The following CRHR1 variants were observed in gnomAD, a reference collection of about 807,000 sequenced individuals.
CRHR1 encodes the protein corticotropin-releasing hormone receptor 1.
In CRHR1, 28 loss-of-function variants were observed where a neutral mutation model predicts 56.0. The observed-to-expected ratio is 0.50, with a 90% CI of 0.37 to 0.69. The LOEUF (loss-of-function observed/expected upper bound fraction) is 0.69, where lower values mean the gene tolerates loss of function less well. Ranked by LOEUF, CRHR1 falls within the 30% of genes least tolerant of loss-of-function variation. CRHR1 has a pLI of 0.00. For synonymous variants in CRHR1, 195 were observed against 216.5 expected (o/e 0.90, Z 0.87); for missense variants, 376 against 548.0 (o/e 0.69, Z 3.13).
intron 4 of CRHR1, among the ~76,000 whole-genome samples, chr17:45,824,419 C>T (rs2062113724): frequency 6.6e-6 from 1 of 152,172 alleles, no homozygotes; most frequent in African/African-American, 2.4e-5. Flanking sequence ...GCGGGGTCTT[C>T]GTGGTTCACC....
At chr17:45,834,466 T>C (rs1876827) in intron 12 of CRHR1, among the ~76,000 whole-genome samples, 158 bp from the exon 13 acceptor site, 21,848 of 152,224 alleles carry the variant, frequency 0.14, 2,145 homozygotes, top group Middle Eastern at 0.22. Context: ...TGCAAAGCAG[T>C]CGTGTTAAGG....
intron 2 of CRHR1, among the ~76,000 whole-genome samples, chr17:45,807,973 T>A (rs1180973815): frequency 6.6e-6 from 1 of 152,158 alleles, no homozygotes; most frequent in Non-Finnish European, 1.5e-5. Context: ...GGTGTGGTCC[T>A]GGGCATGGCT....
chr17:45,828,612 A>G (rs1400476490), intron 4 of CRHR1, among the ~76,000 whole-genome samples: 2 of 152,220 alleles, frequency 1.3e-5, no homozygotes, highest in Non-Finnish European at 2.9e-5. Context: ...CCCTTGGGCC[A>G]GGGATGGGGA....
intron 1 of CRHR1, among the ~76,000 whole-genome samples, chr17:45,794,809 A>G (rs1450338880): frequency 6.6e-6 from 1 of 151,916 alleles, no homozygotes; most frequent in African/African-American, 2.4e-5. Flanking sequence ...TTGTCCCCGC[A>G]CTCATCCAAG....
chr17:45,797,744 A>T (rs2061548081), intron 1 of CRHR1, among the ~76,000 whole-genome samples: 1 of 152,228 alleles, frequency 6.6e-6, no homozygotes, highest in East Asian at 1.9e-4. Context: ...AAAGATTCCA[A>T]CAAGCATCTC....
At chr17:45,791,681 G>A (rs1018911771) in intron 1 of CRHR1, among the ~76,000 whole-genome samples, 3 of 151,934 alleles carry the variant, frequency 2.0e-5, no homozygotes, top group Admixed American at 6.5e-5. Context: ...AGCCTTCGGC[G>A]CAGAGATGCC....
chr17:45,807,353 A>T (rs1231599093), intron 2 of CRHR1, among the ~76,000 whole-genome samples: 2 of 152,148 alleles, frequency 1.3e-5, no homozygotes, highest in African/African-American at 4.8e-5. Flanking sequence ...AGTTTGCAGC[A>T]AGGATTCTGA....
intron 3 of CRHR1, among the ~76,000 whole-genome samples, chr17:45,818,147 C>T (rs2061966522): frequency 6.6e-6 from 1 of 152,196 alleles, no homozygotes; most frequent in Admixed American, 6.5e-5. Flanking sequence ...CTACCTGCCC[C>T]CACTCCCCAG....
At chr17:45,827,081 AATT>A (rs2062180199) in intron 4 of CRHR1, 1 of 152,176 alleles carries the variant, frequency 6.6e-6, no homozygotes, top group Admixed American at 6.5e-5. Flanking sequence ...TGGCGTGGCC[AATT>A]ATTCAGTCTC....
In CRHR1 at chr17:45,817,324, C is replaced by A. The variant is rs79454878; in HGVS notation, c.241+742C>A. 9.5e-3 allele frequency among the ~76,000 whole-genome samples: 1,454 copies of A among 152,342 alleles called. 29 individuals carry two copies. The highest frequency in any genetic ancestry group is 0.031 in the African/African-American group (1,306 of 41,588). ...ACAGCTGTGGGCCAGGAGCCCTAAC[C>A]TACCTGAGGGGAGGCTGGGGGCCTG... On this transcript the variant is annotated intron_variant, in intron 3 of 12. Coordinates refer to ENST00000314537, the MANE Select transcript of CRHR1 (RefSeq NM_004382.5).
intron 3 of CRHR1, among the ~76,000 whole-genome samples, chr17:45,819,806 G>A (rs1598431645): frequency 6.6e-6 from 1 of 152,206 alleles, no homozygotes; most frequent in East Asian, 1.9e-4. Context: ...CCTCAGCAGG[G>A]GGACCAGGGA....
intron 1 of CRHR1, among the ~76,000 whole-genome samples, chr17:45,787,319 C>T (rs2061354323): frequency 6.6e-6 from 1 of 152,126 alleles, no homozygotes; most frequent in African/African-American, 2.4e-5. Context: ...GAGTCAGCCA[C>T]ACACCCACTG....
At chr17:45,805,222 C>T (rs1295281573) in intron 1 of CRHR1, among the ~76,000 whole-genome samples, 1 of 152,154 alleles carries the variant, frequency 6.6e-6, no homozygotes, top group East Asian at 1.9e-4. Context: ...ATATTTTGCT[C>T]ATCATGGATT....
intron 2 of CRHR1, among the ~76,000 whole-genome samples, chr17:45,811,081 G>A (rs117304471): frequency 0.011 from 1,700 of 152,360 alleles, 15 homozygotes; most frequent in South Asian, 0.043. Flanking sequence ...TCCAGAAGCC[G>A]CTGATGGGAG....
At chr17:45,801,630 C>T (rs977585773) in intron 1 of CRHR1, among the ~76,000 whole-genome samples, 1 of 152,140 alleles carries the variant, frequency 6.6e-6, no homozygotes, top group African/African-American at 2.4e-5. Flanking sequence ...GAGTGAACCT[C>T]GTGCTCTGCC....
At chr17:45,830,777 G>A in intron 7 of CRHR1, 103 bp from the exon 8 acceptor site, 1 of 1,299,680 alleles carries the variant, frequency 7.7e-7, no homozygotes, top group Non-Finnish European at 1.1e-6. Flanking sequence ...GATCCACCCT[G>A]AGTAACCCCA....
chr17:45,833,693 T>TGGGGGCCCCCCCCCCCCCCC, intron 10 of CRHR1, 21 bp from the exon 11 acceptor site: 6 of 1,571,604 alleles, frequency 3.8e-6, no homozygotes, highest in Non-Finnish European at 5.2e-6. Context: ...ACTCCGAGCC[T>TGGGGGCCCCCCCCCCCCCCC]CCCCACCCGC....
intron 1 of CRHR1, among the ~76,000 whole-genome samples, chr17:45,786,236 A>C (rs1354838961): frequency 6.6e-6 from 1 of 151,910 alleles, no homozygotes; most frequent in East Asian, 1.9e-4. Flanking sequence ...TCCTTAAAAA[A>C]GTCTTTTTAT....
chr17:45,811,369 T>C (rs1009702763), intron 2 of CRHR1, among the ~76,000 whole-genome samples: 1 of 152,316 alleles, frequency 6.6e-6, no homozygotes, highest in South Asian at 2.1e-4. Context: ...TGCTCTCCCT[T>C]TGCAGGGATT....
Sources: gnomAD v4.1 joint callset for allele counts (sites outside exome capture counted in the v4.1 genomes callset) on GRCh38, gnomAD v4.1.1 for gene constraint, MANE v1.5 for transcripts, NCBI Gene and HGNC (gene_info 2026-07-23, HGNC 2026-07-21) for gene names.